Variants in JMY observed in about 807,000 individuals in gnomAD.
JMY encodes junction mediating and regulatory protein, p53 cofactor, also known as junction-mediating and -regulatory protein.
A neutral mutation model predicts 103.3 loss-of-function variants in JMY; 46 were observed. The observed-to-expected ratio is 0.45, with a 90% CI of 0.35 to 0.57. JMY has a LOEUF of 0.57. Ranked by LOEUF, JMY falls within the 20% of genes least tolerant of loss-of-function variation. JMY has a pLI of 0.00. For missense variants in JMY, 1,238 were observed against 1,255.2 expected (o/e 0.99, Z 0.21); for synonymous variants, 526 against 489.3 (o/e 1.07, Z -0.99).
At chr5:79,302,551 A>G (rs1746768359) in intron 6 of JMY, among the ~76,000 whole-genome samples, 2 of 152,108 alleles carry the variant, frequency 1.3e-5, no homozygotes, top group South Asian at 4.1e-4. Context: ...GTGTTGGGGT[A>G]ATTACAAGCA....
chr5:79,290,359 A>G, intron 3 of JMY, 88 bp downstream of exon 3: 3 of 909,638 alleles, frequency 3.3e-6, no homozygotes, highest in Admixed American at 3.1e-5. Context: ...ATAGAAAAGT[A>G]TATAAAGATC....
At chr5:79,268,500 T>C (rs1745651290) in intron 1 of JMY, among the ~76,000 whole-genome samples, 2 of 152,118 alleles carry the variant, frequency 1.3e-5, no homozygotes, top group Non-Finnish European at 2.9e-5. Flanking sequence ...TATTTATTTA[T>C]TTCTTGAGAT....
rs372391418 is a variant in JMY at position 79,290,246 on chromosome 5, T to A, written c.1332T>A (p.Phe444Leu). 4.0e-6 allele frequency: 6 copies of A among 1,514,272 alleles called. No homozygotes were observed. Among genetic ancestry groups the A allele is most frequent in the African/African-American group, 1.4e-5 (1 of 72,112 alleles). The allele number at this position is 1,514,272 out of a possible 1,614,324, so 93.8% of individuals were successfully genotyped here. A position where few individuals can be genotyped will look rare whatever the true frequency, so the allele number is the denominator to read the frequency against. Residue 444 changes from phenylalanine to leucine, a missense_variant, in exon 3 of 11, where the codon TTT becomes TTA. Coordinates refer to ENST00000396137, the MANE Select transcript of JMY (RefSeq NM_152405.5). Reference protein sequence around the residue: ...LSIQDLTVKYFEITAKAQKAV... With the variant: ...LSIQDLTVKYLEITAKAQKAV... ...TTCAAGATCTTACTGTCAAGTACTT[T>A]GAAATAACAGCTAAAGCTCAAAAAG... is the stretch of plus-strand genomic sequence containing the variant.
intron 2 of JMY, chr5:79,284,735 G>A (rs1048594407): frequency 1.9e-6 from 3 of 1,589,320 alleles, no homozygotes; most frequent in African/African-American, 2.7e-5. Flanking sequence ...CGACCCTTGA[G>A]ACCATCAGAT....
At chr5:79,250,757 A>G (rs1389952979) in intron 1 of JMY, among the ~76,000 whole-genome samples, 1 of 146,086 alleles carries the variant, frequency 6.8e-6, no homozygotes, top group Non-Finnish European at 1.5e-5. Context: ...CTTTCTAATT[A>G]TACCTACTTT....
intron 4 of JMY, among the ~76,000 whole-genome samples, chr5:79,292,440 G>C (rs1746449348): frequency 6.6e-6 from 1 of 151,750 alleles, no homozygotes; most frequent in Non-Finnish European, 1.5e-5. Flanking sequence ...TCAGGCTCCT[G>C]AGTAGCAGGC....
At chr5:79,296,422 G>A (rs1000142913) in intron 4 of JMY, among the ~76,000 whole-genome samples, 3 of 152,094 alleles carry the variant, frequency 2.0e-5, no homozygotes, top group Non-Finnish European at 4.4e-5. Flanking sequence ...CTACATAATA[G>A]GGCTAGTTTT....
chr5:79,275,321 T>C (rs976489890), intron 1 of JMY, among the ~76,000 whole-genome samples: 1 of 152,010 alleles, frequency 6.6e-6, no homozygotes, highest in African/African-American at 2.4e-5. Flanking sequence ...CCACCACGCC[T>C]GGCTAATTTT....
At chr5:79,270,299 CATAA>C (rs1242894068) in intron 1 of JMY, among the ~76,000 whole-genome samples, 5 of 143,712 alleles carry the variant, frequency 3.5e-5, no homozygotes, top group Admixed American at 2.8e-4. Context: ...TATATATTTA[CATAA>C]ATATTTAAAA....
intron 7 of JMY, 31 bp downstream of exon 7, chr5:79,306,492 A>G (rs771611773): frequency 5.4e-5 from 81 of 1,498,208 alleles, no homozygotes; most frequent in Non-Finnish European, 7.4e-5. Flanking sequence ...TTTGAACAAA[A>G]CTTAATTTTT....
chr5:79,253,238 G>T (rs1332696097), intron 1 of JMY, among the ~76,000 whole-genome samples: 1 of 151,424 alleles, frequency 6.6e-6, no homozygotes, highest in Non-Finnish European at 1.5e-5. Flanking sequence ...TGTTGTTGTT[G>T]TTTCTATATA....
chr5:79,282,921 T>C (rs1470725571), intron 2 of JMY, among the ~76,000 whole-genome samples: 2 of 151,606 alleles, frequency 1.3e-5, no homozygotes, highest in East Asian at 3.9e-4. Flanking sequence ...TATTATATTC[T>C]ATGGACAGTT....
Position 79,284,348 on chromosome 5 carries a change from C to G in JMY, c.1207-5773C>G, listed in dbSNP as rs907616373. ...AGCCTTTTCTATGTCTTTTCCAATG[C>G]TGTCTGGAATCAATTTATTGACCAC... is the stretch of plus-strand genomic sequence containing the variant. On this transcript the variant is annotated intron_variant, in intron 2 of 10. Coordinates refer to ENST00000396137, the MANE Select transcript of JMY (RefSeq NM_152405.5). 24 of 1,295,942 alleles carry G rather than the reference C, an allele frequency of 1.9e-5. No individual in the cohort carries two copies. The South Asian group carries it at 2.5e-4, about 13-fold the overall frequency. 80.3% of individuals were successfully genotyped at this position (1,295,942 alleles called of 1,614,324 possible).
In JMY at chr5:79,255,017, T is replaced by C. The variant is rs1016690674; in HGVS notation, c.1032+17335T>C. 6.6e-5 allele frequency among the ~76,000 whole-genome samples: 10 copies of C among 151,966 alleles called. No individual in the cohort carries two copies. The South Asian group carries it at 1.4e-3, about 22-fold the overall frequency. On this transcript the variant is annotated intron_variant, in intron 1 of 10. Transcript: ENST00000396137. ...TTTATTTCAATCTCTTTATTAAGTTTGTCTGATAGAAATCTGAATTCCTCC... is the reference window on the plus strand; with the variant it reads ...TTTATTTCAATCTCTTTATTAAGTTCGTCTGATAGAAATCTGAATTCCTCC...
intron 1 of JMY, among the ~76,000 whole-genome samples, chr5:79,263,671 C>T (rs1745493494): frequency 6.6e-6 from 1 of 151,290 alleles, no homozygotes; most frequent in African/African-American, 2.5e-5. Flanking sequence ...GAGCCACCGC[C>T]TGTGGCCACT....
chr5:79,259,683 C>T (rs1039665126), intron 1 of JMY, among the ~76,000 whole-genome samples: 22 of 152,196 alleles, frequency 1.4e-4, no homozygotes, highest in Non-Finnish European at 2.4e-4. Context: ...TCAGCACTGC[C>T]CCCGAGCCTG....
chr5:79,260,494 C>T (rs987794388), intron 1 of JMY, among the ~76,000 whole-genome samples: 8 of 152,240 alleles, frequency 5.3e-5, no homozygotes, highest in South Asian at 2.1e-4. Flanking sequence ...GATCCTCCCA[C>T]GTCAGCCTCC....
chr5:79,278,619 C>T (rs1479087385), intron 2 of JMY, among the ~76,000 whole-genome samples: 5 of 101,424 alleles, frequency 4.9e-5, no homozygotes, highest in Admixed American at 1.0e-4. Flanking sequence ...AAAAATCAAA[C>T]TAGCTGGATG....
At chr5:79,256,361 G>C (rs1414700914) in intron 1 of JMY, among the ~76,000 whole-genome samples, 1 of 152,078 alleles carries the variant, frequency 6.6e-6, no homozygotes, top group African/African-American at 2.4e-5. Context: ...GGCAGGTTCA[G>C]AAATGCCATC....
Sources: allele counts gnomAD v4.1 joint callset (sites outside exome capture counted in the v4.1 genomes callset), GRCh38; gene constraint gnomAD v4.1.1; transcripts MANE v1.5; gene names NCBI Gene and HGNC (gene_info 2026-07-23, HGNC 2026-07-21).